The following MED13 variants were observed in gnomAD, a reference collection of about 807,000 sequenced individuals.
The protein encoded by MED13 is mediator complex subunit 13.
MED13 carries 23 observed loss-of-function variants against 225.2 expected under a neutral mutation model. The ratio of observed to expected loss-of-function variants is 0.10; its 90% confidence interval spans 0.07 to 0.14. MED13 has a LOEUF of 0.14. Among genes scored for constraint, MED13 ranks in the 10% least tolerant of loss-of-function variants. MED13 has a pLI of 1.00. For synonymous variants in MED13, 942 were observed against 889.2 expected, an observed-to-expected ratio of 1.06 and a Z score of -1.06; for missense variants, 2,197 against 2,594.5, an observed-to-expected ratio of 0.85 and a Z score of 3.33.
chr17:61,958,009 C>G (rs181724047), intron 23 of MED13, among the ~76,000 whole-genome samples: 3 of 151,668 alleles, frequency 2.0e-5, no homozygotes, highest in African/African-American at 7.3e-5. Flanking sequence ...GGACTACAGG[C>G]GCCCGCCACT....
chr17:61,968,707 T>C (rs931078695), intron 17 of MED13, among the ~76,000 whole-genome samples: 1 of 152,178 alleles, frequency 6.6e-6, no homozygotes, highest in African/African-American at 2.4e-5. Context: ...TTAATGCCAG[T>C]GGTCAAGACT....
intron 3 of MED13, among the ~76,000 whole-genome samples, chr17:62,045,692 T>C (rs1282993892): frequency 1.3e-5 from 2 of 152,236 alleles, no homozygotes; most frequent in African/African-American, 2.4e-5. Context: ...ATGCCTGTCA[T>C]GTGATCCAGT....
At chr17:61,967,280 C>A (rs558854638) in intron 18 of MED13, among the ~76,000 whole-genome samples, 275 of 152,200 alleles carry the variant, frequency 1.8e-3, no homozygotes, top group Middle Eastern at 6.8e-3. Flanking sequence ...TTTCCCCAAG[C>A]CTATTTAACT....
chr17:62,028,779 A>T (rs948852452), intron 8 of MED13, among the ~76,000 whole-genome samples: 1 of 151,844 alleles, frequency 6.6e-6, no homozygotes, highest in African/African-American at 2.4e-5. Context: ...CGGGAGGTGG[A>T]GCTTGCAGTG....
At chr17:62,052,825 G>A (rs1426734496) in intron 2 of MED13, 120 bp from the exon 3 acceptor site, 1 of 594,340 alleles carries the variant, frequency 1.7e-6, no homozygotes, top group Non-Finnish European at 2.7e-6. Flanking sequence ...AGAATATTAA[G>A]CTACAATCAC....
chr17:61,983,064 G>C lies in MED13; in HGVS notation c.2939C>G (p.Thr980Ser). The C allele has an allele frequency of 6.2e-7, 1 of 1,613,614 alleles. No homozygotes were observed. The highest frequency in any genetic ancestry group is 8.5e-7 in the Non-Finnish European group (1 of 1,179,764). Residue 980 changes from threonine (T) to serine (S), a missense_variant, in exon 16 of 30, where the codon ACT becomes AGT. Physicochemically the swap from Thr to Ser is moderately conservative, Grantham distance 58. This residue lies in a region of MED13 where 160 missense variants were observed against 184.8 expected (regional missense o/e 0.87). Coordinates refer to ENST00000397786, the MANE Select transcript of MED13 (RefSeq NM_005121.3). ...QEYGTAYTPQ[T>S]HTSFGMPPSS... ...AGGAGGCATCCCAAAAGAAGTATGA[G>C]TTTGAGGTGTATAAGCAGTGCCATA...
intron 8 of MED13, among the ~76,000 whole-genome samples, chr17:62,028,053 A>T (rs2080719470): frequency 1.3e-5 from 2 of 152,242 alleles, no homozygotes; most frequent in Admixed American, 1.3e-4. Context: ...ATTACTGGTT[A>T]TATACCCAGG....
At chr17:62,027,701 G>C (rs1037954768) in intron 8 of MED13, among the ~76,000 whole-genome samples, 9 of 151,952 alleles carry the variant, frequency 5.9e-5, no homozygotes, top group African/African-American at 1.9e-4. Flanking sequence ...CTAATATCCA[G>C]TATCTAAAAA....
intron 21 of MED13, among the ~76,000 whole-genome samples, chr17:61,962,294 A>C (rs2080008004): frequency 6.6e-6 from 1 of 152,262 alleles, no homozygotes. Context: ...CAGAAAAAAA[A>C]CAACAACAAA....
intron 8 of MED13, among the ~76,000 whole-genome samples, chr17:62,021,656 T>A (rs987422905): frequency 6.6e-6 from 1 of 152,234 alleles, no homozygotes; most frequent in Non-Finnish European, 1.5e-5. Flanking sequence ...TTCTCACTTA[T>A]TATAATGGCA....
At chr17:62,015,809 T>C (rs1413029141) in intron 8 of MED13, among the ~76,000 whole-genome samples, 1 of 125,024 alleles carries the variant, frequency 8.0e-6, no homozygotes, top group Middle Eastern at 3.5e-3. Context: ...TATATATCTA[T>C]ATATATACAT....
intron 18 of MED13, 56 bp from the exon 19 acceptor site, chr17:61,966,707 C>T: frequency 8.0e-7 from 1 of 1,251,168 alleles, no homozygotes; most frequent in African/African-American, 1.5e-5. Flanking sequence ...TATTTAGATA[C>T]ACATTATAAA....
chr17:61,957,136 T>C (rs1280190741), intron 23 of MED13, among the ~76,000 whole-genome samples: 1 of 152,020 alleles, frequency 6.6e-6, no homozygotes, highest in Non-Finnish European at 1.5e-5. Flanking sequence ...AACCTCTGCC[T>C]CCCGGGCTCA....
intron 6 of MED13, chr17:62,030,477 A>T (rs867611175): frequency 2.6e-5 from 4 of 152,650 alleles, no homozygotes; most frequent in African/African-American, 9.6e-5. Context: ...CCTGGCTTCC[A>T]CATCAAGGTG....
rs760565256 is a variant in MED13, at chr17:62,029,700, CA to C, written c.1173-50del. ...CTTTAAAATTCATAAAATTTTCTAT[CA>C]AACCTCAATGTAGCATTGAAATTAA... is the stretch of plus-strand genomic sequence containing the variant. On this transcript the variant is annotated intron_variant, in intron 7 of 29. Transcript: ENST00000397786. 2.4e-5 allele frequency: 38 copies of C among 1,565,904 alleles called. No homozygotes were observed. The African/African-American group carries it at 4.6e-4, about 19-fold the overall frequency.
rs771116040 is a variant in MED13, at chr17:61,960,892, T to C, written c.5455A>G (p.Ile1819Val). ...DLYGELLETC[I>V]INIDVPNRAR... ...CTATTTGGAACATCGATGTTAATGA[T>C]ACAAGTTTCTAAAAGTTCTCCATAT... Residue 1819 changes from isoleucine to valine, a missense_variant, in exon 23 of 30, where the codon ATC becomes GTC. Transcript: ENST00000397786. The C allele has an allele frequency of 1.4e-5, 23 of 1,610,334 alleles. No homozygotes were observed. The highest frequency in any genetic ancestry group is 1.9e-5 in the Non-Finnish European group (22 of 1,177,450).
At chr17:61,977,467 CTT>C (rs2080166995) in intron 16 of MED13, among the ~76,000 whole-genome samples, 1 of 151,796 alleles carries the variant, frequency 6.6e-6, no homozygotes, top group African/African-American at 2.4e-5. Flanking sequence ...TATTATTTTT[CTT>C]GAGACGGAGT....
intron 2 of MED13, 151 bp from the exon 3 acceptor site, chr17:62,052,856 T>C (rs1006875378): frequency 3.0e-5 from 14 of 471,302 alleles, no homozygotes; most frequent in Non-Finnish European, 4.6e-5. Flanking sequence ...CTCTAGACAT[T>C]ATCAGGTTTC....
chr17:61,990,636 T>TATAC (rs2080289316), intron 11 of MED13, among the ~76,000 whole-genome samples: 1 of 146,744 alleles, frequency 6.8e-6, no homozygotes, highest in Non-Finnish European at 1.5e-5. Flanking sequence ...TGTATATATA[T>TATAC]ATATATATAT....
Sources: gnomAD v4.1 joint callset for allele counts (sites outside exome capture counted in the v4.1 genomes callset) on GRCh38, gnomAD v4.1.1 for gene constraint, gnomAD v4.1.1 regional missense constraint, MANE v1.5 for transcripts, NCBI Gene and HGNC (gene_info 2026-07-23, HGNC 2026-07-21) for gene names.